Variants in RFX8 observed in about 807,000 individuals in gnomAD.
The protein encoded by RFX8 is DNA-binding protein RFX8.
RFX8 carries 46 observed loss-of-function variants against 54.6 expected under a neutral mutation model. The ratio of observed to expected loss-of-function variants is 0.84; its 90% CI spans 0.67 to 1.08. The LOEUF (loss-of-function observed/expected upper bound fraction) is 1.08. Among genes scored for constraint, RFX8 ranks in the 50% least tolerant of loss-of-function variants. The probability of loss-of-function intolerance (pLI) is 0.00; values close to 1 mark genes in which losing one functional copy is unlikely to be tolerated. For synonymous variants in RFX8, 192 were observed against 209.5 expected (o/e 0.92, Z 0.72); for missense variants, 536 against 562.3 (o/e 0.95, Z 0.47).
intron 2 of RFX8, among the ~76,000 whole-genome samples, chr2:101,464,309 T>C (rs1689453053): frequency 6.6e-6 from 1 of 152,158 alleles, no homozygotes; most frequent in African/African-American, 2.4e-5. Flanking sequence ...CATCAGCAAA[T>C]GTTATTTCAA....
Position 101,402,732 on chromosome 2 carries a change from A to G in RFX8, c.949T>C (p.Leu317=). The part of the protein sequence containing the change: ...DSFGSWHLFH[L]LLLEYMIHIL... The stretch of plus-strand genomic sequence containing the variant: ...TGAATCATATATTCCAAAAGCAACA[A>G]GTGAAACAGATGCCAGGAGCCTACA... Residue 317 remains leucine, a synonymous_variant, in exon 11 of 12, where the codon TTG becomes CTG. Coordinates refer to ENST00000428343, the MANE Select transcript of RFX8 (RefSeq NM_001145664.2). 6.5e-7 allele frequency: 1 copy of G among 1,547,114 alleles called. No homozygotes were observed. The highest frequency in any genetic ancestry group is 8.8e-7 in the Non-Finnish European group (1 of 1,142,854).
In RFX8 at chr2:101,422,360, A is replaced by C. The variant is rs976360339; in HGVS notation, c.183+2T>G. On this transcript the variant is annotated splice_donor_variant, in intron 3 of 11. Coordinates refer to ENST00000428343, the MANE Select transcript of RFX8 (RefSeq NM_001145664.2). LOFTEE classifies it high-confidence loss of function. ...CTAATCTCCCCATGAGTGCAAACCT[A>C]CCATATTACAGGAGTATTTCTTTGC... is the stretch of plus-strand genomic sequence containing the variant. 11 of 1,439,652 alleles carry C rather than the reference A, an allele frequency of 7.6e-6. No homozygotes were observed. The highest frequency in any genetic ancestry group is 1.1e-5 in the Non-Finnish European group (11 of 1,044,404). 89.2% of individuals were successfully genotyped at this position (1,439,652 alleles called of 1,614,324 possible). A position where few individuals can be genotyped will look rare whatever the true frequency, so the allele number is the denominator to read the frequency against.
At chr2:101,469,117 T>C (rs1157470384) in intron 1 of RFX8, among the ~76,000 whole-genome samples, 1 of 123,306 alleles carries the variant, frequency 8.1e-6, no homozygotes, top group Admixed American at 8.6e-5. Flanking sequence ...AGTGTATATA[T>C]ATATAAGTAT....
intron 2 of RFX8, among the ~76,000 whole-genome samples, chr2:101,433,501 CATCTT>C (rs1687608115): frequency 6.6e-6 from 1 of 152,222 alleles, no homozygotes; most frequent in Non-Finnish European, 1.5e-5. Flanking sequence ...GCACATAACT[CATCTT>C]GTTTCTTTAA....
In RFX8 at chr2:101,417,584, A is replaced by G. The variant is rs1303847206; in HGVS notation, c.452T>C (p.Leu151Pro). 6.4e-7 allele frequency: 1 copy of G among 1,551,932 alleles called. No individual in the cohort carries two copies. The change falls in exon 6 of 12, where the codon CTT (leucine) becomes CCT (proline). Residue 151 changes from leucine to proline, a missense_variant. By Grantham distance (98) the Leu-to-Pro change is moderately conservative. Coordinates refer to ENST00000428343, the MANE Select transcript of RFX8 (RefSeq NM_001145664.2). ...GGCTGGAACACCTTCCAAAGCATTA[A>G]GGAGCCACAGCTTAAATTTCTTACT... ...LFSKKFKLWL[L>P]NALEGVPALL...
intron 2 of RFX8, among the ~76,000 whole-genome samples, chr2:101,440,688 C>G (rs1225225909): frequency 6.6e-6 from 1 of 152,112 alleles, no homozygotes; most frequent in Non-Finnish European, 1.5e-5. Context: ...CTTAGCCATG[C>G]GTACAATTAA....
intron 7 of RFX8, among the ~76,000 whole-genome samples, chr2:101,413,568 G>A (rs1329020586): frequency 6.6e-6 from 1 of 152,054 alleles, no homozygotes. Flanking sequence ...GACTGCCTGG[G>A]ATGCACCTGG....
chr2:101,455,746 T>G (rs1688930608), intron 2 of RFX8, among the ~76,000 whole-genome samples: 1 of 152,256 alleles, frequency 6.6e-6, no homozygotes, highest in African/African-American at 2.4e-5. Context: ...TTTCCAATTC[T>G]GTGAAGAAAG....
intron 2 of RFX8, among the ~76,000 whole-genome samples, chr2:101,424,298 C>A (rs1326007356): frequency 6.6e-6 from 1 of 152,158 alleles, no homozygotes; most frequent in African/African-American, 2.4e-5. Context: ...CAAAGAAATG[C>A]AAATGACAAC....
At chr2:101,473,151 G>A (rs768429750) in intron 1 of RFX8, among the ~76,000 whole-genome samples, 4 of 152,204 alleles carry the variant, frequency 2.6e-5, no homozygotes, top group Admixed American at 2.6e-4. Context: ...ACCATTTGAA[G>A]TGAGTTCACA....
At chr2:101,456,539 G>T (rs1292543190) in intron 2 of RFX8, among the ~76,000 whole-genome samples, 2 of 152,200 alleles carry the variant, frequency 1.3e-5, no homozygotes, top group African/African-American at 4.8e-5. Context: ...TGTTGAACCA[G>T]CCTTGCAGCC....
intron 2 of RFX8, among the ~76,000 whole-genome samples, chr2:101,446,505 ATAG>A (rs199772387): frequency 0.76 from 114,925 of 151,734 alleles, 44,455 homozygotes; most frequent in Middle Eastern, 0.89. Flanking sequence ...TATGCTGAGC[ATAG>A]AGTACATGAA....
chr2:101,440,966 ATTT>A (rs70946645), intron 2 of RFX8, among the ~76,000 whole-genome samples: 5 of 113,452 alleles, frequency 4.4e-5, no homozygotes, highest in Admixed American at 9.5e-5. Context: ...CCATGTTGAA[ATTT>A]TTTTTTTTTT....
chr2:101,408,750 G>A (rs1426995433), intron 9 of RFX8, among the ~76,000 whole-genome samples: 1 of 152,228 alleles, frequency 6.6e-6, no homozygotes, highest in Non-Finnish European at 1.5e-5. Context: ...GCCAAGGGTT[G>A]GAACTGGCTT....
chr2:101,470,854 G>A (rs1259901909), intron 1 of RFX8, among the ~76,000 whole-genome samples: 2 of 150,454 alleles, frequency 1.3e-5, no homozygotes, highest in Non-Finnish European at 3.0e-5. Flanking sequence ...CAAGTAGCTG[G>A]GACTACAGGC....
intron 2 of RFX8, among the ~76,000 whole-genome samples, chr2:101,453,585 C>A (rs1261849532): frequency 2.0e-5 from 3 of 152,042 alleles, no homozygotes; most frequent in African/African-American, 7.2e-5. Context: ...GTCTCAAAAA[C>A]AAAACAAAAC....
intron 9 of RFX8, among the ~76,000 whole-genome samples, chr2:101,407,460 C>T (rs540264435): frequency 3.9e-5 from 6 of 152,192 alleles, no homozygotes; most frequent in East Asian, 1.9e-4. Flanking sequence ...GAGAGGCAGA[C>T]GCAGGTGGAT....
chr2:101,457,470 G>A (rs1689037048), intron 2 of RFX8, among the ~76,000 whole-genome samples: 1 of 152,136 alleles, frequency 6.6e-6, no homozygotes, highest in African/African-American at 2.4e-5. Flanking sequence ...TATTTATCCA[G>A]TAGTCATTCA....
chr2:101,460,041 C>A (rs781349575), intron 2 of RFX8, among the ~76,000 whole-genome samples: 2 of 152,240 alleles, frequency 1.3e-5, no homozygotes, highest in Non-Finnish European at 2.9e-5. Context: ...GGCATGGGAC[C>A]CACTGAGCCA....
Sources: gnomAD v4.1 joint callset for allele counts (sites outside exome capture counted in the v4.1 genomes callset) on GRCh38, gnomAD v4.1.1 for gene constraint, MANE v1.5 for transcripts, NCBI Gene and HGNC (gene_info 2026-07-23, HGNC 2026-07-21) for gene names.